SLC25A28: variants seen among roughly 807,000 people sequenced by gnomAD.
The protein encoded by SLC25A28 is solute carrier family 25 member 28, also known as mitoferrin-2.
In SLC25A28, 10 loss-of-function variants were observed where a neutral mutation model predicts 31.9. That is an observed-to-expected ratio of 0.31 (90% CI 0.19 to 0.53). SLC25A28 has a LOEUF of 0.53. Ranked by LOEUF, SLC25A28 falls within the 20% of genes least tolerant of loss-of-function variation. The pLI, the probability that SLC25A28 is intolerant of heterozygous loss-of-function variation, is 0.95. For synonymous variants in SLC25A28, 208 were observed against 203.6 expected (o/e 1.02, Z -0.19); for missense variants, 256 against 490.3 (o/e 0.52, Z 4.51).
chr10:99,647,837 G>T, the SLC25A28 span, among the ~76,000 whole-genome samples: 1 of 152,210 alleles, frequency 6.6e-6, no homozygotes, highest in South Asian at 2.1e-4. Flanking sequence ...TGTTTATGGC[G>T]AGAGGTATGG....
At chr10:99,615,759 A>C in intron 1 of SLC25A28, 1 of 985,474 alleles carries the variant, frequency 1.0e-6, no homozygotes, top group Non-Finnish European at 1.2e-6. Context: ...ACTAATAAGC[A>C]AAGATAAATT....
the SLC25A28 span, among the ~76,000 whole-genome samples, chr10:99,653,620 G>A: frequency 4.6e-5 from 7 of 152,260 alleles, no homozygotes; most frequent in South Asian, 2.1e-4. Flanking sequence ...GTTTTCTTCC[G>A]TCTTATCTGC....
chr10:99,630,559 G>A, the SLC25A28 span, among the ~76,000 whole-genome samples: 1 of 152,150 alleles, frequency 6.6e-6, no homozygotes, highest in Non-Finnish European at 1.5e-5. Context: ...GAAAAATATT[G>A]CTATGATATC....
chr10:99,630,069 C>T, the SLC25A28 span, among the ~76,000 whole-genome samples: 864 of 152,172 alleles, frequency 5.7e-3, 10 homozygotes, highest in African/African-American at 0.019. Context: ...CACTTCTTTC[C>T]TTTCTTTCCT....
chr10:99,619,954 G>A (rs2034744547), intron 1 of SLC25A28, 91 bp downstream of exon 1: 8 of 1,332,102 alleles, frequency 6.0e-6, no homozygotes, highest in African/African-American at 1.5e-5. Flanking sequence ...ACCCATGTCG[G>A]CTCCGGCTCT....
upstream of SLC25A28, chr10:99,622,577 C>T (rs1029821560): frequency 2.6e-5 from 22 of 861,340 alleles, no homozygotes; most frequent in East Asian, 2.4e-4. Flanking sequence ...CCAAATCCAT[C>T]GGTCTTTTTC....
chr10:99,652,521 G>T, the SLC25A28 span, among the ~76,000 whole-genome samples: 127,728 of 152,050 alleles, frequency 0.84, 53,888 homozygotes, highest in Middle Eastern at 0.92. Context: ...ACCAAGGGAT[G>T]AGATTTTGCC....
chr10:99,647,613 G>T, the SLC25A28 span, among the ~76,000 whole-genome samples: 1 of 152,084 alleles, frequency 6.6e-6, no homozygotes, highest in East Asian at 1.9e-4. Flanking sequence ...TCTGTAAATT[G>T]TCTGTTTACT....
At chr10:99,637,724 G>T in the SLC25A28 span, among the ~76,000 whole-genome samples, 1 of 151,996 alleles carries the variant, frequency 6.6e-6, no homozygotes, top group Non-Finnish European at 1.5e-5. Flanking sequence ...AAAAAACTTA[G>T]GAATACACCT....
chr10:99,630,315 G>A, the SLC25A28 span, among the ~76,000 whole-genome samples: 3 of 151,950 alleles, frequency 2.0e-5, no homozygotes. Flanking sequence ...AATATTTTTG[G>A]TAGACGCGGG....
chr10:99,612,411 A>G lies in SLC25A28; in HGVS notation c.577+132T>C, dbSNP rs1009585846. On this transcript the variant is annotated intron_variant, in intron 3 of 3. Transcript: ENST00000370495. ...GGGTGCCTCGTTAGGTACCAAAAAC[A>G]TGGAGGGAGCACCCTCTAGTGGTAA... is the stretch of plus-strand genomic sequence containing the variant. The G allele has an allele frequency of 3.0e-6, 3 of 990,722 alleles. No individual in the cohort carries two copies. The African/African-American group carries it at 4.9e-5, about 16-fold the overall frequency. The allele number at this position is 990,722 out of a possible 1,614,324, so 61.4% of individuals were successfully genotyped here.
the SLC25A28 span, among the ~76,000 whole-genome samples, chr10:99,658,645 T>C: frequency 1.3e-5 from 2 of 152,064 alleles, no homozygotes; most frequent in African/African-American, 2.4e-5. Flanking sequence ...AGGGGCAGAA[T>C]GAGCAAAACA....
the SLC25A28 span, among the ~76,000 whole-genome samples, chr10:99,638,644 T>C: frequency 6.6e-6 from 1 of 152,166 alleles, no homozygotes; most frequent in Non-Finnish European, 1.5e-5. Flanking sequence ...TAGACAATTC[T>C]CAGAAGAAGA....
the SLC25A28 span, among the ~76,000 whole-genome samples, chr10:99,644,251 C>T: frequency 2.6e-5 from 4 of 151,306 alleles, no homozygotes; most frequent in Non-Finnish European, 5.9e-5. Flanking sequence ...TGGGTGCTCC[C>T]GTATTGGGTG....
At chr10:99,619,952 C>T in intron 1 of SLC25A28, 93 bp downstream of exon 1, 1 of 1,314,646 alleles carries the variant, frequency 7.6e-7, no homozygotes, top group Non-Finnish European at 1.0e-6. Context: ...GAACCCATGT[C>T]GGCTCCGGCT....
upstream of SLC25A28, among the ~76,000 whole-genome samples, chr10:99,625,000 T>C (rs2133373055): frequency 6.6e-6 from 1 of 152,256 alleles, no homozygotes; most frequent in Non-Finnish European, 1.5e-5. Flanking sequence ...ACTTCAAGAA[T>C]GAAGCCGCGG....
At chr10:99,643,027 CT>C in the SLC25A28 span, among the ~76,000 whole-genome samples, 1 of 151,864 alleles carries the variant, frequency 6.6e-6, no homozygotes, top group Admixed American at 6.6e-5. Flanking sequence ...CTAAAATTCT[CT>C]TTTTTTGTTG....
intron 1 of SLC25A28, chr10:99,617,755 A>G: frequency 2.0e-6 from 2 of 985,392 alleles, no homozygotes; most frequent in Middle Eastern, 5.2e-4. Flanking sequence ...ACTCCTGAGC[A>G]TTTTTTTCTC....
chr10:99,632,058 G>A, the SLC25A28 span, among the ~76,000 whole-genome samples: 13 of 150,022 alleles, frequency 8.7e-5, no homozygotes, highest in Non-Finnish European at 1.5e-4. Flanking sequence ...CACCGCGCCC[G>A]GCTAATTTTT....
Sources: allele counts gnomAD v4.1 joint callset (sites outside exome capture counted in the v4.1 genomes callset), GRCh38; gene constraint gnomAD v4.1.1; transcripts MANE v1.5; gene names NCBI Gene and HGNC (gene_info 2026-07-23, HGNC 2026-07-21).